Variants in GSAP observed in about 807,000 individuals in gnomAD.
GSAP encodes gamma-secretase-activating protein.
A neutral mutation model predicts 131.7 loss-of-function variants in GSAP; 118 were observed. The ratio of observed to expected loss-of-function variants is 0.90; its 90% CI spans 0.77 to 1.04. The LOEUF is 1.04. GSAP is among the 50% of genes least tolerant of loss of function. The probability of loss-of-function intolerance (pLI) is 0.00; values close to 1 mark genes in which losing one functional copy is unlikely to be tolerated. For missense variants in GSAP, 1,019 were observed against 1,013.2 expected, an observed-to-expected ratio of 1.01 and a Z score of -0.08; for synonymous variants, 381 against 363.4, an observed-to-expected ratio of 1.05 and a Z score of -0.55.
At chr7:77,411,098 T>TA (rs57255266) in intron 1 of GSAP, among the ~76,000 whole-genome samples, 2,905 of 108,798 alleles carry the variant, frequency 0.027, 122 homozygotes, top group African/African-American at 0.09. Flanking sequence ...AAGAAAATAG[T>TA]AAAAAAAAAA....
At chr7:77,384,967 T>C (rs1435616743) in intron 6 of GSAP, among the ~76,000 whole-genome samples, 1 of 151,888 alleles carries the variant, frequency 6.6e-6, no homozygotes, top group Non-Finnish European at 1.5e-5. Flanking sequence ...TAGTACAAGT[T>C]TTACTTTATT....
At chr7:77,355,180 C>G in intron 16 of GSAP, 33 bp downstream of exon 16, 1 of 1,331,810 alleles carries the variant, frequency 7.5e-7, no homozygotes, top group East Asian at 2.3e-5. Context: ...TGTCGTCTAT[C>G]TGCCCATTTT....
At chr7:77,352,559 G>A (rs1316179920) in intron 18 of GSAP, among the ~76,000 whole-genome samples, 1 of 152,164 alleles carries the variant, frequency 6.6e-6, no homozygotes, top group Non-Finnish European at 1.5e-5. Context: ...TGGAAAAAGG[G>A]GTCGTGAAGG....
At position 77,396,999 on chromosome 7, in the gene GSAP, C is replaced by T; in HGVS notation, c.350G>A (p.Arg117Lys). The T allele has an allele frequency of 1.3e-6, 2 of 1,599,634 alleles. No homozygotes were observed. Among genetic ancestry groups the T allele is most frequent in the Non-Finnish European group, 1.7e-6 (2 of 1,170,068 alleles). The change falls in exon 5 of 31, where the codon AGG becomes AAG. Residue 117 changes from arginine to lysine, a missense_variant. Physicochemically the swap from Arg to Lys is conservative, Grantham distance 26 (BLOSUM62 2). Coordinates refer to ENST00000257626, the MANE Select transcript of GSAP (RefSeq NM_017439.4). ...TTCATTACCTGGTTGAAGTTCGTTC[C>T]TTTTTCCTTCTTTAGTAGACTGAAC... ...SLVQSTKEGK[R>K]NELQPGSKCL...
In GSAP at chr7:77,320,710, A is replaced by T; in HGVS notation, c.2089+15T>A. ...TAAATTTATTATACCAAAGGACAAA[A>T]GAGCCAACACTTACCAGGAGGCAGA... is the stretch of plus-strand genomic sequence containing the variant. On this transcript the variant is annotated intron_variant, in intron 26 of 30. Coordinates refer to ENST00000257626, the MANE Select transcript of GSAP (RefSeq NM_017439.4). 7.0e-7 allele frequency: 1 copy of T among 1,435,360 alleles called. No individual in the cohort carries two copies. Among genetic ancestry groups the T allele is most frequent in the Non-Finnish European group, 9.8e-7 (1 of 1,017,776 alleles). 88.9% of individuals were successfully genotyped at this position (1,435,360 alleles called of 1,614,324 possible).
chr7:77,334,011 G>A (rs1225104352), intron 19 of GSAP, among the ~76,000 whole-genome samples: 3 of 152,246 alleles, frequency 2.0e-5, no homozygotes, highest in Admixed American at 6.5e-5. Context: ...ACACTATGGC[G>A]ATTCCTCAAA....
chr7:77,388,944 T>C (rs1186376979), intron 5 of GSAP, among the ~76,000 whole-genome samples: 4 of 152,170 alleles, frequency 2.6e-5, no homozygotes, highest in Non-Finnish European at 5.9e-5. Flanking sequence ...GGTAAATGGG[T>C]GCTTGTGGCT....
chr7:77,353,508 A>C (rs560810352), intron 17 of GSAP, 64 bp downstream of exon 17: 1 of 1,016,318 alleles, frequency 9.8e-7, no homozygotes, highest in Non-Finnish European at 1.5e-6. Context: ...CTATCAATTT[A>C]CTGCTTTCCC....
At chr7:77,325,586 T>G (rs1326751252) in intron 23 of GSAP, among the ~76,000 whole-genome samples, 1 of 152,248 alleles carries the variant, frequency 6.6e-6, no homozygotes, top group Non-Finnish European at 1.5e-5. Flanking sequence ...TGTGTTGTTT[T>G]CTGAGACGGA....
chr7:77,367,195 A>G (rs1383374909), intron 12 of GSAP, among the ~76,000 whole-genome samples: 2 of 151,908 alleles, frequency 1.3e-5, no homozygotes, highest in African/African-American at 4.8e-5. Flanking sequence ...CTCTCTTCCT[A>G]TTTGGGATGC....
At chr7:77,316,528 T>C (rs911106061) in intron 26 of GSAP, among the ~76,000 whole-genome samples, 3 of 152,220 alleles carry the variant, frequency 2.0e-5, no homozygotes, top group Admixed American at 2.0e-4. Flanking sequence ...ACTATTTTAC[T>C]AGTTAATTAA....
intron 3 of GSAP, among the ~76,000 whole-genome samples, chr7:77,398,708 C>T (rs1180360668): frequency 6.6e-6 from 1 of 152,038 alleles, no homozygotes; most frequent in Non-Finnish European, 1.5e-5. Context: ...GTCAAGACTG[C>T]TGTGAGCCGT....
chr7:77,311,526 G>A (rs1794354933), intron 30 of GSAP, 77 bp from the exon 31 acceptor site: 1 of 726,524 alleles, frequency 1.4e-6, no homozygotes. Context: ...TGTGCTCACA[G>A]CTCATTAAAA....
At chr7:77,316,170 G>A (rs1287941442) in intron 26 of GSAP, 1 of 152,244 alleles carries the variant, frequency 6.6e-6, no homozygotes, top group Non-Finnish European at 1.5e-5. Context: ...GACCTGTAGA[G>A]AAGCTATTGC....
chr7:77,408,758 A>G lies in GSAP; in HGVS notation c.110-2653T>C, dbSNP rs569998366. 2.6e-5 allele frequency among the ~76,000 whole-genome samples: 4 copies of G among 152,138 alleles called. No individual in the cohort carries two copies. The South Asian group carries it at 8.3e-4, about 32-fold the overall frequency. On this transcript the variant is annotated intron_variant, in intron 1 of 30. Transcript: ENST00000257626. ...ATTTGACTCATTTTTCCCATACAGG[A>G]ATAGTTTTTACATGTTAATTACATT...
intron 19 of GSAP, among the ~76,000 whole-genome samples, chr7:77,348,707 C>G (rs1159720520): frequency 6.6e-6 from 1 of 152,162 alleles, no homozygotes; most frequent in African/African-American, 2.4e-5. Flanking sequence ...ACATACATAT[C>G]CTTTTCTACT....
chr7:77,401,855 C>T (rs1801373271), intron 3 of GSAP, among the ~76,000 whole-genome samples: 2 of 152,172 alleles, frequency 1.3e-5, no homozygotes, highest in Admixed American at 6.5e-5. Flanking sequence ...ACACTTCATT[C>T]GAACTGGTAA....
intron 3 of GSAP, among the ~76,000 whole-genome samples, chr7:77,403,181 C>T (rs7781811): frequency 0.18 from 27,671 of 152,116 alleles, 2,759 homozygotes; most frequent in South Asian, 0.27. Context: ...ATTAAGCTAA[C>T]AATTGCACTG....
chr7:77,382,453 T>A, intron 7 of GSAP, 121 bp downstream of exon 7: 2 of 606,138 alleles, frequency 3.3e-6, no homozygotes, highest in South Asian at 2.1e-5. Flanking sequence ...CATATGGACA[T>A]CAAAGCTTAG....
Sources: allele counts gnomAD v4.1 joint callset (sites outside exome capture counted in the v4.1 genomes callset), GRCh38; gene constraint gnomAD v4.1.1; transcripts MANE v1.5; gene names NCBI Gene and HGNC (gene_info 2026-07-23, HGNC 2026-07-21).